CD81: variants seen among roughly 807,000 people sequenced by gnomAD.
CD81 encodes CD81 molecule, also known as CD81 antigen.
CD81 carries 10 observed loss-of-function variants against 30.1 expected under a neutral mutation model. That is an observed-to-expected ratio of 0.33 (90% CI 0.21 to 0.56). The LOEUF (loss-of-function observed/expected upper bound fraction) is 0.56, where lower values mean the gene tolerates loss of function less well. CD81 is among the 20% of genes least tolerant of loss of function. The pLI, the probability that CD81 is intolerant of heterozygous loss-of-function variation, is 0.89. For missense variants in CD81, 263 were observed against 308.7 expected (o/e 0.85, Z 1.11); for synonymous variants, 147 against 126.4 (o/e 1.16, Z -1.10).
At chr11:2,390,726 G>T (rs1228443028) in intron 2 of CD81, among the ~76,000 whole-genome samples, 200 bp downstream of exon 2, 2 of 152,170 alleles carry the variant, frequency 1.3e-5, no homozygotes, top group Non-Finnish European at 2.9e-5. Context: ...TCTGGTCTGA[G>T]CCAGGGCAGG....
At chr11:2,376,565 T>C (rs1849595074), upstream of CD81, among the ~76,000 whole-genome samples, 1 of 152,176 alleles carries the variant, frequency 6.6e-6, no homozygotes, top group South Asian at 2.1e-4. Flanking sequence ...GGTGTGAGGC[T>C]GGCATCCCTG....
intron 1 of CD81, among the ~76,000 whole-genome samples, chr11:2,389,310 C>T (rs151175242): frequency 1.9e-3 from 291 of 152,290 alleles, no homozygotes; most frequent in African/African-American, 6.6e-3. Flanking sequence ...GGGGATCACA[C>T]GGCTGCAGTG....
At chr11:2,384,327 T>TCGGGAAG (rs1849750490) in intron 1 of CD81, among the ~76,000 whole-genome samples, 1 of 94,864 alleles carries the variant, frequency 1.1e-5, no homozygotes, top group Non-Finnish European at 2.0e-5. Context: ...GCGGGGTGTC[T>TCGGGAAG]CGGGAAGCGG....
Position 2,380,385 on chromosome 11 carries a change from G to A in CD81, c.66+2770G>A, listed in dbSNP as rs35664355. On this transcript the variant is annotated intron_variant, in intron 1 of 7. Transcript: ENST00000263645. ...GTAGCCTGACCTCTTTCCCAGGAAG[G>A]AGCCCACACACACACGCACAGGCAC... Among the ~76,000 whole-genome samples the A allele has an allele frequency of 8.7e-3, 1,315 of 151,990 alleles. 4 individuals are homozygous for A. Among genetic ancestry groups the A allele is most frequent in the Non-Finnish European group, 0.015 (996 of 67,926 alleles).
At chr11:2,377,260 G>T, upstream of CD81, 1 of 152,262 alleles carries the variant, frequency 6.6e-6, no homozygotes, top group South Asian at 1.9e-4. This position sits in a 1 kb window ranked among gnomAD's most constrained non-coding sequence, Gnocchi z 7.7. Context: ...GGCCTATGGA[G>T]GGGCGGGACC....
At chr11:2,387,455 C>A (rs1238436037) in intron 1 of CD81, among the ~76,000 whole-genome samples, 2 of 152,232 alleles carry the variant, frequency 1.3e-5, no homozygotes, top group Non-Finnish European at 2.9e-5. Flanking sequence ...CAACTCTCGG[C>A]CTCGCCACCT....
At chr11:2,396,249 T>A in intron 6 of CD81, 1 of 566,428 alleles carries the variant, frequency 1.8e-6, no homozygotes, top group Non-Finnish European at 3.2e-6. Context: ...CACTCGTGGG[T>A]GTGGACGCCC....
In CD81 at chr11:2,384,248, C is replaced by T. The variant is rs1849747427; in HGVS notation, c.67-6164C>T. 2.0e-5 allele frequency among the ~76,000 whole-genome samples: 3 copies of T among 152,012 alleles called. No individual in the cohort carries two copies. In the South Asian group the frequency reaches 6.2e-4, roughly 32 times the overall value. ...CCTGGGCTCCATCCTGAGAGCCACCCTCCATCCCCAATCCCCAGCAGAGCA... is the reference window on the plus strand; with the variant it reads ...CCTGGGCTCCATCCTGAGAGCCACCTTCCATCCCCAATCCCCAGCAGAGCA... On this transcript the variant is annotated intron_variant, in intron 1 of 7. Transcript: ENST00000263645.
upstream of CD81, among the ~76,000 whole-genome samples, chr11:2,377,115 C>T (rs564650716): frequency 2.0e-5 from 3 of 152,068 alleles, no homozygotes; most frequent in Non-Finnish European, 4.4e-5. This position sits in a 1 kb window ranked among gnomAD's most constrained non-coding sequence, Gnocchi z 7.7. Context: ...GCGCCCAGCA[C>T]GGTGCACCTG....
chr11:2,390,169 A>G, intron 1 of CD81: 3 of 611,298 alleles, frequency 4.9e-6, no homozygotes, highest in Non-Finnish European at 8.9e-6. Context: ...CCTGCCCTGG[A>G]GTCACACTCC....
At position 2,395,464 on chromosome 11, in the gene CD81, G is replaced by GT; in HGVS notation, c.404dup (p.Val136GlyfsTer3). 1 of 1,612,780 alleles carries GT rather than the reference G, an allele frequency of 6.2e-7. No homozygotes were observed. Among genetic ancestry groups the GT allele is most frequent in the Non-Finnish European group, 8.5e-7 (1 of 1,179,904 alleles). ...CTATGACCAGGCCCTACAGCAGGCC[G>GT]TGGTGGATGATGACGCCAACAACGC... On this transcript the variant is annotated frameshift_variant, in exon 5 of 8. Coordinates refer to ENST00000263645, the MANE Select transcript of CD81 (RefSeq NM_004356.4). LOFTEE classifies it high-confidence loss of function.
At chr11:2,396,591 C>G (rs1850010557) in intron 6 of CD81, 37 bp from the exon 7 acceptor site, 1 of 1,558,864 alleles carries the variant, frequency 6.4e-7, no homozygotes, top group African/African-American at 1.4e-5. Context: ...GAGCCGAGGC[C>G]CGGTCCCTGA....
In CD81 at chr11:2,390,222, A is replaced by G. The variant is rs376624917; in HGVS notation, c.67-190A>G. ...CCAGGCTCCAAGTAGATGGCGGCCA[A>G]AGCACCCGCCCCATGCTCCTGACTC... On this transcript the variant is annotated intron_variant, in intron 1 of 7. Transcript: ENST00000263645. 3.5e-5 allele frequency: 23 copies of G among 660,868 alleles called. No individual in the cohort carries two copies. In the East Asian group the frequency reaches 4.4e-4, roughly 13 times the overall value. The allele number at this position is 660,868 out of a possible 1,614,324, so 40.9% of individuals were successfully genotyped here. A position where few individuals can be genotyped will look rare whatever the true frequency, so the allele number is the denominator to read the frequency against.
At chr11:2,394,760 G>T in intron 3 of CD81, 1 of 637,318 alleles carries the variant, frequency 1.6e-6, no homozygotes, top group South Asian at 1.7e-5. Context: ...TGCCGCGTGG[G>T]GACATCCTGG....
intron 6 of CD81, chr11:2,396,352 C>T: frequency 1.7e-6 from 1 of 588,150 alleles, no homozygotes; most frequent in South Asian, 2.0e-5. Flanking sequence ...ATCAGTGATG[C>T]TTTAGGGGTC....
intron 1 of CD81, among the ~76,000 whole-genome samples, chr11:2,380,589 G>A (rs1295138058): frequency 6.6e-6 from 1 of 152,182 alleles, no homozygotes; most frequent in African/African-American, 2.4e-5. Flanking sequence ...GGCCCAAGCA[G>A]GGAGGACATT....
At chr11:2,393,592 AC>A in intron 2 of CD81, 1 of 445,156 alleles carries the variant, frequency 2.2e-6, no homozygotes, top group Non-Finnish European at 4.1e-6. Context: ...CTCTTCTCGC[AC>A]CACACTGGGG....
intron 1 of CD81, chr11:2,386,083 T>G (rs1217938992): frequency 1.4e-6 from 1 of 717,294 alleles, no homozygotes; most frequent in African/African-American, 1.7e-5. Context: ...TTGGTCTTTT[T>G]CGTGGCAGCC....
Position 2,395,904 on chromosome 11 carries a change from G to A in CD81, c.495G>A (p.Leu165=). The change falls in exon 6 of 8, where the codon TTG becomes TTA. Residue 165 remains leucine, a synonymous_variant. Transcript: ENST00000263645. ...GTGGCTCCAGCACACTGACTGCTTTGACCACCTCAGTGCTCAAGAACAATT... is the reference window on the plus strand; with the variant it reads ...GTGGCTCCAGCACACTGACTGCTTTAACCACCTCAGTGCTCAAGAACAATT... ...DCCGSSTLTA[L]TTSVLKNNLC... is the part of the protein sequence containing the mutation. The A allele has an allele frequency of 6.2e-7, 1 of 1,612,468 alleles. No individual in the cohort carries two copies. The highest frequency in any genetic ancestry group is 8.5e-7 in the Non-Finnish European group (1 of 1,179,762).
Sources: gnomAD v4.1 joint callset for allele counts (sites outside exome capture counted in the v4.1 genomes callset) on GRCh38, gnomAD v4.1.1 for gene constraint, Gnocchi (gnomAD v3.1) non-coding constraint, MANE v1.5 for transcripts, NCBI Gene and HGNC (gene_info 2026-07-23, HGNC 2026-07-21) for gene names.